Variants in PCDHGA6 observed in about 807,000 individuals in gnomAD.
The protein encoded by PCDHGA6 is protocadherin gamma subfamily A, 6.
Under a neutral mutation model 60.6 loss-of-function variants are expected in PCDHGA6, and 41 were observed. The ratio of observed to expected loss-of-function variants is 0.68; its 90% CI spans 0.53 to 0.88. PCDHGA6 has a LOEUF of 0.88. PCDHGA6 is among the 40% of genes least tolerant of loss of function. The pLI is 0.00. For synonymous variants in PCDHGA6, 594 were observed against 524.4 expected, an observed-to-expected ratio of 1.13 and a Z score of -1.81; for missense variants, 1,312 against 1,203.0, an observed-to-expected ratio of 1.09 and a Z score of -1.34.
intron 1 of PCDHGA6, chr5:141,422,846 A>T: frequency 2.5e-6 from 4 of 1,614,102 alleles, no homozygotes; most frequent in Non-Finnish European, 3.4e-6. Flanking sequence ...GACAGCGGGG[A>T]CCCGCCCCTC....
At position 141,431,684 on chromosome 5, in the gene PCDHGA6, C is replaced by A. The variant is rs1017231854; in HGVS notation, c.2424+55177C>A. On this transcript the variant is annotated intron_variant, in intron 1 of 3. Transcript: ENST00000517434. This position sits in a 1 kb window ranked among gnomAD's most constrained non-coding sequence, Gnocchi z 4.8. Reference sequence around the variant, plus strand: ...AATATCAACAATAGGGGAGTTGGACCACGAGGAGTCAGGATTCTACCAGAT... The same window carrying A: ...AATATCAACAATAGGGGAGTTGGACAACGAGGAGTCAGGATTCTACCAGAT... The A allele has an allele frequency of 1.9e-6, 3 of 1,614,186 alleles. No homozygotes were observed. Among genetic ancestry groups the A allele is most frequent in the Admixed American group, 1.7e-5 (1 of 60,032 alleles).
At chr5:141,482,089 C>CA (rs36035257) in intron 1 of PCDHGA6, among the ~76,000 whole-genome samples, 13,509 of 134,292 alleles carry the variant, frequency 0.1, 910 homozygotes, top group African/African-American at 0.2. Context: ...CACTCCATCT[C>CA]AAAAAAAAAA....
At chr5:141,451,302 G>A (rs1445994098) in intron 1 of PCDHGA6, among the ~76,000 whole-genome samples, 1 of 152,208 alleles carries the variant, frequency 6.6e-6, no homozygotes, top group Non-Finnish European at 1.5e-5. Context: ...GTCTTACAAG[G>A]CAGCAATTAA....
At chr5:141,428,064 G>C in intron 1 of PCDHGA6, 1 of 1,609,060 alleles carries the variant, frequency 6.2e-7, no homozygotes, top group East Asian at 2.2e-5. Flanking sequence ...GGCGGTGGAC[G>C]CAGATTCGGG....
At chr5:141,484,437 T>C (rs2099596528) in intron 1 of PCDHGA6, among the ~76,000 whole-genome samples, 1 of 152,232 alleles carries the variant, frequency 6.6e-6, no homozygotes, top group African/African-American at 2.4e-5. Context: ...ATGTACTGCA[T>C]AAATTTAATT....
At position 141,410,457 on chromosome 5, in the gene PCDHGA6, A is replaced by G. The variant is rs372920524; in HGVS notation, c.2424+33950A>G. 1.2e-6 allele frequency: 2 copies of G among 1,614,044 alleles called. No homozygotes were observed. ...AGTGAGGGGACTTTGCCTTATTCTTATAATCTGTGCATTGCACATACGGGT... is the reference window on the plus strand; with the variant it reads ...AGTGAGGGGACTTTGCCTTATTCTTGTAATCTGTGCATTGCACATACGGGT... On this transcript the variant is annotated intron_variant, in intron 1 of 3. Transcript: ENST00000517434.
At chr5:141,502,782 T>C (rs1200280465) in intron 2 of PCDHGA6, among the ~76,000 whole-genome samples, 1 of 152,132 alleles carries the variant, frequency 6.6e-6, no homozygotes, top group African/African-American at 2.4e-5. Context: ...GAAAATTACC[T>C]GGATGATTTC....
At chr5:141,394,519 C>A (rs1462431722) in intron 1 of PCDHGA6, 1 of 1,614,240 alleles carries the variant, frequency 6.2e-7, no homozygotes, top group South Asian at 1.1e-5. Context: ...GCCCTCCCCA[C>A]AGACGGTTCC....
chr5:141,494,678 G>A, intron 1 of PCDHGA6, 129 bp from the exon 2 acceptor site: 1 of 1,554,384 alleles, frequency 6.4e-7, no homozygotes, highest in Non-Finnish European at 8.7e-7. Flanking sequence ...GTCCACCCCT[G>A]CCCCCTCTTA....
intron 2 of PCDHGA6, among the ~76,000 whole-genome samples, chr5:141,496,582 G>C (rs991035985): frequency 6.6e-6 from 1 of 152,100 alleles, no homozygotes; most frequent in Non-Finnish European, 1.5e-5. Flanking sequence ...TTTTAGGAAC[G>C]CAAAGCGCTT....
At chr5:141,453,175 A>G (rs928062909) in intron 1 of PCDHGA6, among the ~76,000 whole-genome samples, 2 of 152,088 alleles carry the variant, frequency 1.3e-5, no homozygotes, top group African/African-American at 4.8e-5. Context: ...GTCCAGTGGT[A>G]CAATCACAGC....
chr5:141,506,444 CAAAAAAAAAAAAA>C (rs1219684339), intron 3 of PCDHGA6, among the ~76,000 whole-genome samples: 1 of 95,030 alleles, frequency 1.1e-5, no homozygotes, highest in Non-Finnish European at 2.2e-5. Context: ...CGCTCTGTCT[CAAAAAAAAAAAAA>C]AAAAAAAAGA....
intron 1 of PCDHGA6, chr5:141,384,854 C>T: frequency 6.2e-7 from 1 of 1,613,702 alleles, no homozygotes; most frequent in Non-Finnish European, 8.5e-7. Context: ...CACGGTCAGC[C>T]TCCTCTGTCA....
intron 1 of PCDHGA6, chr5:141,383,567 C>A (rs752569196): frequency 6.2e-7 from 1 of 1,613,214 alleles, no homozygotes; most frequent in Non-Finnish European, 8.5e-7. Context: ...CCGCCCCGAT[C>A]CAGCACCGCC....
At chr5:141,462,698 G>A (rs2099045237) in intron 1 of PCDHGA6, among the ~76,000 whole-genome samples, 1 of 152,062 alleles carries the variant, frequency 6.6e-6, no homozygotes. Context: ...ATTTATAATG[G>A]AGGTTTTAAA....
In PCDHGA6 at chr5:141,512,133, G is replaced by A. The variant is rs1394116556; in HGVS notation, c.*960G>A. ...CCACTACATAATAGGGCTCAGCCCA[G>A]GCAGCCAGCTTTGGGCTGAGCTAAC... On this transcript the variant is annotated 3_prime_UTR_variant, in exon 4 of 4. Coordinates refer to ENST00000517434, the MANE Select transcript of PCDHGA6 (RefSeq NM_018919.3). 3 of 152,708 alleles carry A rather than the reference G, an allele frequency of 2.0e-5. No homozygotes were observed. Among genetic ancestry groups the A allele is most frequent in the Non-Finnish European group, 2.9e-5 (2 of 68,102 alleles). 9.5% of individuals were successfully genotyped at this position (152,708 alleles called of 1,614,324 possible).
rs1302496204 is a variant in PCDHGA6, at chr5:141,413,214, T to A, written c.2424+36707T>A. On this transcript the variant is annotated intron_variant, in intron 1 of 3. Coordinates refer to ENST00000517434, the MANE Select transcript of PCDHGA6 (RefSeq NM_018919.3). ...GGAATCGCTCAAAGGAATCAAAGGA[T>A]TGCAGCGGGCTGGTCCTGCTCTGCC... 6 of 1,613,176 alleles carry A rather than the reference T, an allele frequency of 3.7e-6. No homozygotes were observed. The African/African-American group carries it at 8.0e-5, about 22-fold the overall frequency.
rs1394484191 is a variant in PCDHGA6 at position 141,486,006 on chromosome 5, C to T, written c.2425-8801C>T. The T allele has an allele frequency of 6.2e-7, 1 of 1,614,190 alleles. No individual in the cohort carries two copies. Among genetic ancestry groups the T allele is most frequent in the Non-Finnish European group, 8.5e-7 (1 of 1,180,026 alleles). Reference sequence around the variant, plus strand: ...GACCTGGGTCCCAGTGGTAACGTCACCTTTTATTTCAGTGGTCATACCCCT... The same window carrying T: ...GACCTGGGTCCCAGTGGTAACGTCATCTTTTATTTCAGTGGTCATACCCCT... On this transcript the variant is annotated intron_variant, in intron 1 of 3. Coordinates refer to ENST00000517434, the MANE Select transcript of PCDHGA6 (RefSeq NM_018919.3). This position sits in a 1 kb window ranked among gnomAD's most constrained non-coding sequence, Gnocchi z 5.0.
intron 1 of PCDHGA6, chr5:141,388,052 C>T (rs777475213): frequency 7.2e-7 from 1 of 1,394,236 alleles, no homozygotes; most frequent in Non-Finnish European, 9.8e-7. Flanking sequence ...ACCTGGGGTT[C>T]AGCGTCCAGG....
Sources: allele counts gnomAD v4.1 joint callset (sites outside exome capture counted in the v4.1 genomes callset), GRCh38; gene constraint gnomAD v4.1.1; non-coding constraint Gnocchi (gnomAD v3.1); transcripts MANE v1.5; gene names NCBI Gene and HGNC (gene_info 2026-07-23, HGNC 2026-07-21).